VAV1: variants seen among roughly 807,000 people sequenced by gnomAD.
VAV1 encodes proto-oncogene vav.
A neutral mutation model predicts 128.1 loss-of-function variants in VAV1; 33 were observed. That is an observed-to-expected ratio of 0.26 (90% confidence interval 0.20 to 0.34). The LOEUF (loss-of-function observed/expected upper bound fraction) is 0.34. VAV1 is among the 10% of genes least tolerant of loss of function. VAV1 has a pLI of 1.00. For missense variants in VAV1, 715 were observed against 1,093.7 expected (o/e 0.65, Z 4.88); for synonymous variants, 394 against 409.8 (o/e 0.96, Z 0.47).
intron 1 of VAV1, among the ~76,000 whole-genome samples, chr19:6,813,322 G>A (rs549117514): frequency 4.1e-4 from 62 of 152,270 alleles, no homozygotes; most frequent in South Asian, 8.3e-4. Context: ...CATGGTCGCC[G>A]GTGAGTGGTC....
At position 6,779,401 on chromosome 19, in the gene VAV1, A is replaced by C. The variant is rs1416932810; in HGVS notation, c.204+6390A>C. Among the ~76,000 whole-genome samples the C allele has an allele frequency of 2.6e-5, 4 of 151,038 alleles. 1 individual carries two copies. Among genetic ancestry groups the C allele is most frequent in the Admixed American group, 6.6e-5 (1 of 15,158 alleles). Reference sequence around the variant, plus strand: ...CCTCCCATAACAGGAAAGATGACACATGCCACCCACTGCTCTATGCTTGCT... The same window carrying C: ...CCTCCCATAACAGGAAAGATGACACCTGCCACCCACTGCTCTATGCTTGCT... On this transcript the variant is annotated intron_variant, in intron 1 of 26. Coordinates refer to ENST00000602142, the MANE Select transcript of VAV1 (RefSeq NM_005428.4).
At chr19:6,833,987 AG>A (rs1297706565) in intron 19 of VAV1, 34 bp downstream of exon 19, 7 of 1,613,712 alleles carry the variant, frequency 4.3e-6, no homozygotes, top group Non-Finnish European at 5.1e-6. Flanking sequence ...TGGGGGCAGG[AG>A]GAAAATTCAT....
At chr19:6,811,515 G>A (rs192927418) in intron 1 of VAV1, among the ~76,000 whole-genome samples, 1 of 152,136 alleles carries the variant, frequency 6.6e-6, no homozygotes, top group African/African-American at 2.4e-5. Flanking sequence ...TGCAGTTGGG[G>A]GAGAATGAGG....
chr19:6,797,996 G>C (rs1176096173), intron 1 of VAV1, among the ~76,000 whole-genome samples: 1 of 152,036 alleles, frequency 6.6e-6, no homozygotes, highest in South Asian at 2.1e-4. Flanking sequence ...AAAATACATT[G>C]GTGGGGCGCG....
At chr19:6,833,498 G>C (rs367969068) in intron 16 of VAV1, 30 bp from the exon 17 acceptor site, 2 of 1,562,614 alleles carry the variant, frequency 1.3e-6, no homozygotes, top group Non-Finnish European at 1.7e-6. Context: ...AAGGTCACTC[G>C]CTCTTCTTTA....
intron 20 of VAV1, among the ~76,000 whole-genome samples, 168 bp downstream of exon 20, chr19:6,836,736 T>G (rs1443670003): frequency 6.6e-6 from 1 of 151,786 alleles, no homozygotes; most frequent in Non-Finnish European, 1.5e-5. Flanking sequence ...GAGCGGGCCA[T>G]CTTCCCAGGA....
rs1971821613 is a variant in VAV1, at chr19:6,822,603, G to A, written c.654+89G>A. On this transcript the variant is annotated intron_variant, in intron 6 of 26. Transcript: ENST00000602142. This position sits in a 1 kb window ranked among gnomAD's most constrained non-coding sequence, Gnocchi z 5.9. Reference sequence around the variant, plus strand: ...TCCACCTGTCCGGCCGCTCTGGGCAGCTGAGGATTTCCTGCTCCCATCGCT... The same window carrying A: ...TCCACCTGTCCGGCCGCTCTGGGCAACTGAGGATTTCCTGCTCCCATCGCT... 2 of 1,186,362 alleles carry A rather than the reference G, an allele frequency of 1.7e-6. No individual in the cohort carries two copies. Among genetic ancestry groups the A allele is most frequent in the Admixed American group, 2.4e-5 (1 of 41,858 alleles). The allele number at this position is 1,186,362 out of a possible 1,614,324, so 73.5% of individuals were successfully genotyped here.
At chr19:6,836,658 A>G (rs1683980954) in intron 20 of VAV1, 90 bp downstream of exon 20, 5 of 1,549,210 alleles carry the variant, frequency 3.2e-6, no homozygotes, top group Non-Finnish European at 4.4e-6. Flanking sequence ...TCATAGTTCC[A>G]CCATGCTCTG....
intron 26 of VAV1, among the ~76,000 whole-genome samples, chr19:6,856,246 G>A (rs1315927815): frequency 1.3e-5 from 2 of 151,838 alleles, no homozygotes; most frequent in Non-Finnish European, 2.9e-5. Flanking sequence ...GTGGTGAGCT[G>A]AGATCGCGCC....
chr19:6,783,055 C>G (rs1970799941), intron 1 of VAV1, among the ~76,000 whole-genome samples: 1 of 152,054 alleles, frequency 6.6e-6, no homozygotes, highest in Non-Finnish European at 1.5e-5. Flanking sequence ...TGGTGTATGC[C>G]TGTAGTCCCA....
intron 1 of VAV1, among the ~76,000 whole-genome samples, chr19:6,773,775 A>G (rs564579492): frequency 1.3e-5 from 2 of 152,084 alleles, no homozygotes; most frequent in South Asian, 2.1e-4. Flanking sequence ...TCAAATCCCT[A>G]TTTGAATGTG....
chr19:6,836,850 A>G lies in VAV1; in HGVS notation c.1915-135A>G, dbSNP rs1253513170. On this transcript the variant is annotated intron_variant, in intron 20 of 26. Transcript: ENST00000602142. ...GAGAGATGGACACACACACACACAC[A>G]CACACACACACACACACACACACAC... 5.3e-3 allele frequency: 327 copies of G among 61,648 alleles called. 2 individuals carry two copies. The highest frequency in any genetic ancestry group is 8.5e-3 in the African/African-American group (269 of 31,546). The allele number at this position is 61,648 out of a possible 1,614,324, so 3.8% of individuals were successfully genotyped here. A position where few individuals can be genotyped will look rare whatever the true frequency, so the allele number is the denominator to read the frequency against.
At chr19:6,785,275 G>T (rs1970862896) in intron 1 of VAV1, among the ~76,000 whole-genome samples, 1 of 152,056 alleles carries the variant, frequency 6.6e-6, no homozygotes, top group African/African-American at 2.4e-5. Context: ...GGGCTCAAGT[G>T]ATCCTCTCGC....
chr19:6,848,738 T>C (rs952868735), intron 23 of VAV1, among the ~76,000 whole-genome samples: 9 of 151,648 alleles, frequency 5.9e-5, no homozygotes, highest in African/African-American at 1.9e-4. Context: ...TTCATATATA[T>C]GTTTTTTCTT....
chr19:6,851,343 TA>T (rs949104250), intron 24 of VAV1, among the ~76,000 whole-genome samples: 9 of 147,676 alleles, frequency 6.1e-5, no homozygotes, highest in Non-Finnish European at 1.0e-4. Flanking sequence ...TGGCTAATTT[TA>T]AAAAAAAATT....
At chr19:6,807,906 C>T (rs1406361254) in intron 1 of VAV1, among the ~76,000 whole-genome samples, 1 of 145,376 alleles carries the variant, frequency 6.9e-6, no homozygotes, top group Admixed American at 7.0e-5. Context: ...AGGAGAATCG[C>T]TTGAACCTGG....
intron 9 of VAV1, among the ~76,000 whole-genome samples, chr19:6,827,464 G>A (rs1026811237): frequency 6.6e-6 from 1 of 151,916 alleles, no homozygotes; most frequent in Non-Finnish European, 1.5e-5. Flanking sequence ...TTGCAGAGAT[G>A]GGGTTTCACC....
intron 1 of VAV1, among the ~76,000 whole-genome samples, chr19:6,811,609 A>G (rs79328422): frequency 0.11 from 15,977 of 152,122 alleles, 1,568 homozygotes; most frequent in African/African-American, 0.26. Flanking sequence ...GTAGGAGTTC[A>G]CCAGGCAAAT....
chr19:6,836,712 G>C (rs1972230865), intron 20 of VAV1, 144 bp downstream of exon 20: 8 of 1,354,988 alleles, frequency 5.9e-6, no homozygotes, highest in Middle Eastern at 2.4e-4. Flanking sequence ...GAGACTTCTG[G>C]GCATGGCTTT....
Sources: allele counts gnomAD v4.1 joint callset (sites outside exome capture counted in the v4.1 genomes callset), GRCh38; gene constraint gnomAD v4.1.1; non-coding constraint Gnocchi (gnomAD v3.1); transcripts MANE v1.5; gene names NCBI Gene and HGNC (gene_info 2026-07-23, HGNC 2026-07-21).